MMP16: variants seen among roughly 807,000 people sequenced by gnomAD.
MMP16 encodes the protein matrix metallopeptidase 16, also known as matrix metalloproteinase-16.
MMP16 carries 12 observed loss-of-function variants against 67.8 expected under a neutral mutation model. The ratio of observed to expected loss-of-function variants is 0.18; its 90% CI spans 0.11 to 0.29. The LOEUF is 0.29. Ranked by LOEUF, MMP16 falls within the 10% of genes least tolerant of loss-of-function variation. MMP16 has a pLI of 1.00. For missense variants in MMP16, 475 were observed against 765.7 expected, an observed-to-expected ratio of 0.62 and a Z score of 4.48; for synonymous variants, 249 against 255.9, an observed-to-expected ratio of 0.97 and a Z score of 0.26.
At chr8:88,150,967 C>T (rs1442154172) in intron 4 of MMP16, among the ~76,000 whole-genome samples, 1 of 139,998 alleles carries the variant, frequency 7.1e-6, no homozygotes, top group African/African-American at 2.7e-5. Flanking sequence ...TCAGGAAACC[C>T]ATCTCACGTG....
chr8:88,238,950 C>G (rs938785248), intron 1 of MMP16, among the ~76,000 whole-genome samples: 2 of 152,022 alleles, frequency 1.3e-5, no homozygotes, highest in African/African-American at 4.8e-5. Context: ...TATGGCAAAA[C>G]CCGCCTCTAC....
intron 3 of MMP16, among the ~76,000 whole-genome samples, chr8:88,171,181 G>C (rs929632116): frequency 1.3e-5 from 2 of 151,980 alleles, no homozygotes; most frequent in African/African-American, 4.8e-5. Context: ...ACAACACATC[G>C]CTGTGTTTTT....
At chr8:88,203,949 C>T (rs193285467) in intron 1 of MMP16, among the ~76,000 whole-genome samples, 40 of 152,136 alleles carry the variant, frequency 2.6e-4, no homozygotes, top group Middle Eastern at 3.4e-3. Context: ...GATGTTTTTC[C>T]AATGCAAGAG....
intron 3 of MMP16, among the ~76,000 whole-genome samples, chr8:88,184,936 ACT>A (rs1372733012): frequency 1.3e-5 from 2 of 152,024 alleles, no homozygotes; most frequent in Non-Finnish European, 2.9e-5. Flanking sequence ...TACTTTCTTA[ACT>A]CTGTTTTGGA....
chr8:88,067,214 C>T (rs996746953), intron 7 of MMP16, among the ~76,000 whole-genome samples: 1 of 152,066 alleles, frequency 6.6e-6, no homozygotes, highest in South Asian at 2.1e-4. Context: ...ATGAATGCAT[C>T]TCAGCTATGA....
chr8:88,044,734 T>A (rs2664371), intron 9 of MMP16, among the ~76,000 whole-genome samples: 107,386 of 152,036 alleles, frequency 0.71, 38,015 homozygotes, highest in Admixed American at 0.77. Flanking sequence ...GCTGGTACTA[T>A]TATATAGCTT....
intron 6 of MMP16, among the ~76,000 whole-genome samples, chr8:88,100,963 A>C (rs1586151608): frequency 8.1e-6 from 1 of 123,032 alleles, no homozygotes. Context: ...AACATCACAC[A>C]CCGGGGCCTG....
At chr8:88,166,167 T>C (rs1808707340) in intron 4 of MMP16, among the ~76,000 whole-genome samples, 1 of 152,134 alleles carries the variant, frequency 6.6e-6, no homozygotes, top group Non-Finnish European at 1.5e-5. Context: ...TCCAGCTAAC[T>C]GAACCCTCTT....
At chr8:88,253,397 T>C (rs574812535) in intron 1 of MMP16, among the ~76,000 whole-genome samples, 4 of 152,094 alleles carry the variant, frequency 2.6e-5, no homozygotes, top group South Asian at 4.2e-4. Flanking sequence ...TGAAAAACAG[T>C]CCTTCAGCCA....
At chr8:88,326,892 TG>T in intron 1 of MMP16, 182 bp downstream of exon 1, 1 of 611,208 alleles carries the variant, frequency 1.6e-6, no homozygotes, top group Non-Finnish European at 2.8e-6. Context: ...TAACGGATTC[TG>T]GGTCTCACAC....
intron 1 of MMP16, among the ~76,000 whole-genome samples, chr8:88,274,187 G>A (rs1270125664): frequency 6.6e-6 from 1 of 151,922 alleles, no homozygotes; most frequent in Non-Finnish European, 1.5e-5. Flanking sequence ...TTTTTTTCAG[G>A]TATGTTCAAT....
intron 1 of MMP16, among the ~76,000 whole-genome samples, chr8:88,251,064 G>C (rs1198285051): frequency 9.2e-5 from 14 of 151,648 alleles, no homozygotes; most frequent in Non-Finnish European, 1.9e-4. Flanking sequence ...TACTGAGAAT[G>C]ATGATTTCCA....
chr8:88,252,522 T>C (rs7010876), intron 1 of MMP16, among the ~76,000 whole-genome samples: 1 of 151,538 alleles, frequency 6.6e-6, no homozygotes, highest in Non-Finnish European at 1.5e-5. Flanking sequence ...ATCTCTTACA[T>C]GTCAAACATA....
At chr8:88,282,825 A>G (rs556647341) in intron 1 of MMP16, among the ~76,000 whole-genome samples, 11 of 152,308 alleles carry the variant, frequency 7.2e-5, no homozygotes, top group African/African-American at 2.4e-4. Flanking sequence ...CTATTAACAT[A>G]GGGTATTATA....
At chr8:88,264,634 A>C (rs1187059353) in intron 1 of MMP16, among the ~76,000 whole-genome samples, 1 of 152,228 alleles carries the variant, frequency 6.6e-6, no homozygotes, top group Non-Finnish European at 1.5e-5. Context: ...GCAGGTGATT[A>C]TCTGAATCCT....
intron 1 of MMP16, among the ~76,000 whole-genome samples, chr8:88,235,537 T>C (rs145878129): frequency 0.02 from 3,075 of 152,278 alleles, 48 homozygotes; most frequent in Non-Finnish European, 0.032. Context: ...TTTGATTTTG[T>C]TTTTGTTTTT....
chr8:88,059,787 C>T lies in MMP16; in HGVS notation c.1223-3509G>A, dbSNP rs146591330. ...GCTTCATCTGATAAGCAGAGATAAGCAGAACCATCCATGTCTCTCTCTTGG... is the reference window on the plus strand; with the variant it reads ...GCTTCATCTGATAAGCAGAGATAAGTAGAACCATCCATGTCTCTCTCTTGG... On this transcript the variant is annotated intron_variant, in intron 7 of 9. Coordinates refer to ENST00000286614, the MANE Select transcript of MMP16 (RefSeq NM_005941.5). 4.1e-3 allele frequency among the ~76,000 whole-genome samples: 620 copies of T among 151,808 alleles called. 4 individuals are homozygous for T. Among genetic ancestry groups the T allele is most frequent in the South Asian group, 0.027 (131 of 4,808 alleles).
chr8:88,209,047 C>A (rs930599137), intron 1 of MMP16, among the ~76,000 whole-genome samples: 1 of 151,890 alleles, frequency 6.6e-6, no homozygotes, highest in Admixed American at 6.6e-5. Flanking sequence ...AGAAGGCTTC[C>A]GTTTATTCAA....
At chr8:88,064,937 G>T (rs997411147) in intron 7 of MMP16, among the ~76,000 whole-genome samples, 1 of 152,080 alleles carries the variant, frequency 6.6e-6, no homozygotes, top group Non-Finnish European at 1.5e-5. Context: ...CTTAGAGAAA[G>T]AAACTATCAT....
Sources: allele counts gnomAD v4.1 joint callset (sites outside exome capture counted in the v4.1 genomes callset), GRCh38; gene constraint gnomAD v4.1.1; transcripts MANE v1.5; gene names NCBI Gene and HGNC (gene_info 2026-07-23, HGNC 2026-07-21).